The following CLVS1 variants were observed in gnomAD, a reference collection of about 807,000 sequenced individuals.
CLVS1 encodes clavesin 1, also known as clavesin-1.
In CLVS1, 10 loss-of-function variants were observed where a neutral mutation model predicts 33.1. That is an observed-to-expected ratio of 0.30 (90% CI 0.19 to 0.51). The LOEUF is 0.51. CLVS1 is among the 20% of genes least tolerant of loss of function. The probability of loss-of-function intolerance (pLI) is 0.97; values close to 1 mark genes in which losing one functional copy is unlikely to be tolerated. For missense variants in CLVS1, 343 were observed against 433.4 expected (o/e 0.79, Z 1.85); for synonymous variants, 163 against 166.1 (o/e 0.98, Z 0.14).
intron 5 of CLVS1, among the ~76,000 whole-genome samples, chr8:61,496,418 C>T (rs142322431): frequency 6.6e-6 from 1 of 152,178 alleles, no homozygotes; most frequent in Non-Finnish European, 1.5e-5. Flanking sequence ...GTTTTAATGC[C>T]TCTGGATTTT....
At chr8:61,399,041 A>G (rs994401965) in intron 3 of CLVS1, among the ~76,000 whole-genome samples, 2 of 152,162 alleles carry the variant, frequency 1.3e-5, no homozygotes, top group Non-Finnish European at 1.5e-5. Context: ...TAATACAATG[A>G]TTTACATTCC....
At chr8:61,454,665 A>C (rs1817082902) in intron 4 of CLVS1, among the ~76,000 whole-genome samples, 1 of 152,218 alleles carries the variant, frequency 6.6e-6, no homozygotes, top group Non-Finnish European at 1.5e-5. Flanking sequence ...ACTTTGGGTG[A>C]TAACTGCTAA....
At chr8:61,174,950 G>T (rs1022337801) in intron 2 of CLVS1, among the ~76,000 whole-genome samples, 1 of 89,344 alleles carries the variant, frequency 1.1e-5, no homozygotes, top group African/African-American at 4.5e-5. Context: ...GTTAACCTAA[G>T]AGCGGAGACC....
chr8:61,439,756 T>G (rs991706392), intron 3 of CLVS1, among the ~76,000 whole-genome samples: 1 of 152,206 alleles, frequency 6.6e-6, no homozygotes, highest in African/African-American at 2.4e-5. Context: ...CATGAGATAA[T>G]TTTTCACCTA....
intron 3 of CLVS1, among the ~76,000 whole-genome samples, chr8:61,382,671 C>T (rs1204194835): frequency 1.3e-5 from 2 of 152,178 alleles, no homozygotes; most frequent in Non-Finnish European, 2.9e-5. Context: ...TAGTTACAAC[C>T]CACAGTGCTG....
rs1813656475 is a variant in CLVS1 at position 61,376,651 on chromosome 8, G to A, written c.502G>A (p.Val168Ile). 1.9e-6 allele frequency: 3 copies of A among 1,614,128 alleles called. No individual in the cohort carries two copies. Among genetic ancestry groups the A allele is most frequent in the Non-Finnish European group, 1.7e-6 (2 of 1,179,978 alleles). The change falls in exon 3 of 6, where the codon GTC becomes ATC. Residue 168 changes from valine to isoleucine, a missense_variant. This residue lies in a region of CLVS1 where 166 missense variants were observed against 244.0 expected (regional missense o/e 0.68). Transcript: ENST00000325897. ...TCGTGCCATCCTGCTGTCATTGGAA[G>A]TCCTAATCGAAGATCCGGAGCTTCA... ...ILRAILLSLE[V>I]LIEDPELQIN...
intron 2 of CLVS1, among the ~76,000 whole-genome samples, chr8:61,209,413 T>C (rs1807927778): frequency 6.6e-6 from 1 of 152,232 alleles, no homozygotes; most frequent in Non-Finnish European, 1.5e-5. Flanking sequence ...AACTGAACTA[T>C]GATAGAACAT....
At chr8:61,225,911 C>T (rs1808318996) in intron 2 of CLVS1, among the ~76,000 whole-genome samples, 1 of 152,236 alleles carries the variant, frequency 6.6e-6, no homozygotes, top group African/African-American at 2.4e-5. Flanking sequence ...GTGCTTCCTC[C>T]TGGGTAGCAA....
chr8:61,237,192 C>T (rs1563457205), intron 2 of CLVS1, among the ~76,000 whole-genome samples: 1 of 152,172 alleles, frequency 6.6e-6, no homozygotes, highest in Non-Finnish European at 1.5e-5. Flanking sequence ...CTCCTATTTT[C>T]AGCATAGCTG....
At chr8:61,259,026 T>C (rs951414571) in intron 2 of CLVS1, among the ~76,000 whole-genome samples, 28 of 152,274 alleles carry the variant, frequency 1.8e-4, no homozygotes, top group Middle Eastern at 3.4e-3. Flanking sequence ...GATTCCTAAG[T>C]AAAGCTTAGG....
intron 2 of CLVS1, among the ~76,000 whole-genome samples, chr8:61,360,541 A>C (rs936321546): frequency 1.3e-5 from 2 of 152,242 alleles, no homozygotes; most frequent in Admixed American, 1.3e-4. Context: ...TTTGGCTTGT[A>C]AATGAATAAG....
intron 3 of CLVS1, among the ~76,000 whole-genome samples, chr8:61,417,972 G>A (rs1815506184): frequency 6.6e-6 from 1 of 152,192 alleles, no homozygotes; most frequent in Admixed American, 6.5e-5. Context: ...ATGTTGCTTT[G>A]GTACACTGCC....
At chr8:61,109,539 C>T (rs1426841799) in intron 1 of CLVS1, among the ~76,000 whole-genome samples, 1 of 151,974 alleles carries the variant, frequency 6.6e-6, no homozygotes, top group African/African-American at 2.4e-5. Flanking sequence ...CATATTTATA[C>T]TAAAAAATTA....
At chr8:61,248,241 T>C (rs1177628705) in intron 2 of CLVS1, among the ~76,000 whole-genome samples, 1 of 152,206 alleles carries the variant, frequency 6.6e-6, no homozygotes, top group Non-Finnish European at 1.5e-5. Context: ...TTTGTTCTTT[T>C]TGCATAGGAT....
chr8:61,225,549 G>A (rs1351696605), intron 2 of CLVS1, among the ~76,000 whole-genome samples: 1 of 152,072 alleles, frequency 6.6e-6, no homozygotes, highest in Non-Finnish European at 1.5e-5. Context: ...TCTCAAATCT[G>A]AACAGTTTCA....
chr8:61,458,427 C>T lies in CLVS1; in HGVS notation c.862C>T (p.Leu288Phe). ...CATGGGAACTTGGGCCCGGACGTTA[C>T]TCGGTCCCGACTACAGCGATGAAAA... is the stretch of plus-strand genomic sequence containing the variant. ...YDMGTWARTL[L>F]GPDYSDENDY... Residue 288 changes from leucine (L) to phenylalanine (F), a missense_variant, in exon 5 of 6, where the codon CTC becomes TTC. Leu to Phe is a conservative substitution (Grantham distance 22). Around this residue, in one of 4 missense-constraint regions of CLVS1, gnomAD observed 86 missense variants for 95.0 expected, o/e 0.91. Transcript: ENST00000325897. 6.2e-7 allele frequency: 1 copy of T among 1,614,072 alleles called. No individual in the cohort carries two copies. The highest frequency in any genetic ancestry group is 8.5e-7 in the Non-Finnish European group (1 of 1,179,948).
chr8:61,049,719 A>G, the CLVS1 span, among the ~76,000 whole-genome samples: 1 of 152,272 alleles, frequency 6.6e-6, no homozygotes, highest in Non-Finnish European at 1.5e-5. Flanking sequence ...AGGATCACTG[A>G]TGATACTAGG....
chr8:61,285,462 G>C (rs887955116), upstream of CLVS1, among the ~76,000 whole-genome samples: 1 of 152,030 alleles, frequency 6.6e-6, no homozygotes, highest in African/African-American at 2.4e-5. Context: ...TTTCAGCTCC[G>C]CACATGGAAG....
At chr8:61,030,849 G>A in the CLVS1 span, among the ~76,000 whole-genome samples, 4 of 152,212 alleles carry the variant, frequency 2.6e-5, no homozygotes, top group Admixed American at 2.0e-4. Context: ...CAGTAGAAAG[G>A]TGTAGGTTTG....
Sources: gnomAD v4.1 joint callset for allele counts (sites outside exome capture counted in the v4.1 genomes callset) on GRCh38, gnomAD v4.1.1 for gene constraint, gnomAD v4.1.1 regional missense constraint, MANE v1.5 for transcripts, NCBI Gene and HGNC (gene_info 2026-07-23, HGNC 2026-07-21) for gene names.